The following TLK1 variants were observed in gnomAD, a reference collection of about 807,000 sequenced individuals.
TLK1 encodes the protein serine/threonine-protein kinase tousled-like 1.
TLK1 carries 24 observed loss-of-function variants against 105.3 expected under a neutral mutation model. That is an observed-to-expected ratio of 0.23 (90% CI 0.17 to 0.32). The LOEUF (loss-of-function observed/expected upper bound fraction) is 0.32. TLK1 is among the 10% of genes least tolerant of loss of function. The pLI is 1.00. For missense variants in TLK1, 558 were observed against 910.5 expected, an observed-to-expected ratio of 0.61 and a Z score of 4.98; for synonymous variants, 321 against 310.4, an observed-to-expected ratio of 1.03 and a Z score of -0.36.
intron 18 of TLK1, among the ~76,000 whole-genome samples, chr2:171,004,857 T>C (rs1366763094): frequency 6.6e-6 from 1 of 152,238 alleles, no homozygotes; most frequent in Non-Finnish European, 1.5e-5. Context: ...CCAGTTTGAA[T>C]AGTTTTCTTA....
intron 14 of TLK1, among the ~76,000 whole-genome samples, chr2:171,007,542 G>T (rs1399200159): frequency 6.6e-6 from 1 of 151,564 alleles, no homozygotes; most frequent in Non-Finnish European, 1.5e-5. Context: ...AAAAAAACTC[G>T]TTATTATAAA....
At chr2:171,203,485 C>A (rs1217914427) in intron 1 of TLK1, among the ~76,000 whole-genome samples, 2 of 152,160 alleles carry the variant, frequency 1.3e-5, no homozygotes, top group Non-Finnish European at 2.9e-5. Context: ...GTATCATGTC[C>A]TTCAGATTCA....
chr2:171,115,761 G>T (rs1314348891), intron 2 of TLK1, among the ~76,000 whole-genome samples: 1 of 152,038 alleles, frequency 6.6e-6, no homozygotes, highest in Non-Finnish European at 1.5e-5. Context: ...AAGAATCAAT[G>T]AATTGAACAA....
intron 3 of TLK1, chr2:171,066,832 C>T (rs1387390190): frequency 2.6e-6 from 4 of 1,550,486 alleles, no homozygotes; most frequent in Non-Finnish European, 3.5e-6. Flanking sequence ...TTCTCCCCTA[C>T]TCAAATTACC....
At chr2:171,013,922 C>CTT (rs1401376755) in intron 13 of TLK1, among the ~76,000 whole-genome samples, 1 of 152,154 alleles carries the variant, frequency 6.6e-6, no homozygotes, top group Non-Finnish European at 1.5e-5. Flanking sequence ...CAATTTCTAT[C>CTT]TTTTTCATGA....
At chr2:171,159,559 G>C (rs1025883001) in intron 1 of TLK1, 3 of 152,164 alleles carry the variant, frequency 2.0e-5, no homozygotes, top group African/African-American at 7.2e-5. Flanking sequence ...CAAAACCCAC[G>C]ACCCTGTCAC....
chr2:171,115,397 T>C (rs1489263305), intron 2 of TLK1, among the ~76,000 whole-genome samples: 4 of 152,174 alleles, frequency 2.6e-5, no homozygotes, highest in African/African-American at 9.6e-5. Context: ...GGTCTTGAAC[T>C]CCTGACCTCA....
chr2:171,175,806 G>A (rs1228952261), intron 1 of TLK1, among the ~76,000 whole-genome samples: 1 of 152,074 alleles, frequency 6.6e-6, no homozygotes, highest in Non-Finnish European at 1.5e-5. Flanking sequence ...CATGGACCCT[G>A]GTTCTCAACC....
intron 2 of TLK1, among the ~76,000 whole-genome samples, chr2:171,108,735 C>A (rs1033427331): frequency 6.6e-6 from 1 of 152,042 alleles, no homozygotes; most frequent in Non-Finnish European, 1.5e-5. Flanking sequence ...TCCCAAGAAG[C>A]TGGGACCACA....
chr2:171,133,773 T>A (rs564770359), intron 1 of TLK1, among the ~76,000 whole-genome samples: 27 of 151,464 alleles, frequency 1.8e-4, no homozygotes, highest in Middle Eastern at 3.4e-3. Context: ...TTTTTTTTTT[T>A]AATATTTGAG....
chr2:171,007,529 T>C (rs1052760121), intron 14 of TLK1, among the ~76,000 whole-genome samples: 2 of 152,004 alleles, frequency 1.3e-5, no homozygotes, highest in African/African-American at 4.8e-5. Flanking sequence ...TTTCCAACTG[T>C]TGAAAAAAAC....
chr2:171,024,463 T>C (rs1685680564), intron 12 of TLK1, among the ~76,000 whole-genome samples: 1 of 152,124 alleles, frequency 6.6e-6, no homozygotes, highest in Non-Finnish European at 1.5e-5. Context: ...CTCCTTTATC[T>C]GTAATGAAAA....
chr2:171,040,722 A>G (rs1686633187), intron 11 of TLK1, among the ~76,000 whole-genome samples: 1 of 151,842 alleles, frequency 6.6e-6, no homozygotes, highest in African/African-American at 2.4e-5. Flanking sequence ...GACTATAGGT[A>G]CATACCACCA....
intron 2 of TLK1, among the ~76,000 whole-genome samples, chr2:171,111,633 C>G (rs1334761775): frequency 2.0e-5 from 3 of 150,120 alleles, no homozygotes; most frequent in African/African-American, 7.3e-5. Flanking sequence ...CAGGCCAGGC[C>G]AAGACAGTTT....
Position 171,008,576 on chromosome 2 carries a change from T to C in TLK1, c.1417-1513A>G, listed in dbSNP as rs549133932. Reference sequence around the variant, plus strand: ...CCAAAATTTCAGGTGAGTAGAAGTATACCTTTCCATAAGGTTAATATGGCA... The same window carrying C: ...CCAAAATTTCAGGTGAGTAGAAGTACACCTTTCCATAAGGTTAATATGGCA... On this transcript the variant is annotated intron_variant, in intron 14 of 20. Transcript: ENST00000431350. Among the ~76,000 whole-genome samples the C allele has an allele frequency of 7.9e-5, 12 of 152,330 alleles. No individual in the cohort carries two copies. The South Asian group carries it at 2.5e-3, about 32-fold the overall frequency.
chr2:171,160,671 C>T lies in TLK1; in HGVS notation c.-243G>A. 1.7e-6 allele frequency: 1 copy of T among 584,518 alleles called. No homozygotes were observed. The highest frequency in any genetic ancestry group is 2.8e-6 in the Non-Finnish European group (1 of 361,270). The allele number at this position is 584,518 out of a possible 1,614,324, so 36.2% of individuals were successfully genotyped here. On this transcript the variant is annotated 5_prime_UTR_variant, in exon 1 of 21. Coordinates refer to ENST00000431350, the MANE Select transcript of TLK1 (RefSeq NM_012290.5). The surrounding 1 kb of genome is among the most constrained non-coding windows in gnomAD (Gnocchi z 4.4). The stretch of plus-strand genomic sequence containing the variant: ...GGAGAAGCGAGGGAGCGAGCGGGCG[C>T]GCCAGAGGAGAGGAGGAGGAAAGGA...
chr2:171,187,057 C>CAAAAA (rs71013019), intron 1 of TLK1, among the ~76,000 whole-genome samples: 1,029 of 33,978 alleles, frequency 0.03, 104 homozygotes, highest in African/African-American at 0.08. Flanking sequence ...GACTCTGTCT[C>CAAAAA]AAAAAAAAAA....
At chr2:171,004,755 G>A (rs1684567273) in intron 18 of TLK1, among the ~76,000 whole-genome samples, 1 of 151,680 alleles carries the variant, frequency 6.6e-6, no homozygotes, top group South Asian at 2.1e-4. Context: ...GGTTTTATTA[G>A]AATAAGATTT....
At chr2:171,096,346 A>T (rs1165867848) in intron 2 of TLK1, among the ~76,000 whole-genome samples, 3 of 152,160 alleles carry the variant, frequency 2.0e-5, no homozygotes, top group African/African-American at 4.8e-5. Flanking sequence ...TAAAAAATAA[A>T]ATAAACTTTT....
Sources: gnomAD v4.1 joint callset for allele counts (sites outside exome capture counted in the v4.1 genomes callset) on GRCh38, gnomAD v4.1.1 for gene constraint, Gnocchi (gnomAD v3.1) non-coding constraint, MANE v1.5 for transcripts, NCBI Gene and HGNC (gene_info 2026-07-23, HGNC 2026-07-21) for gene names.